The following TRIM40 variants were observed in gnomAD, a reference collection of about 807,000 sequenced individuals.
TRIM40 encodes E3 ubiquitin ligase TRIM40.
In TRIM40, 27 loss-of-function variants were observed where a neutral mutation model predicts 26.1. The observed-to-expected ratio is 1.04, with a 90% CI of 0.76 to 1.43. The LOEUF (loss-of-function observed/expected upper bound fraction) is 1.43, where lower values mean the gene tolerates loss of function less well. Among genes scored for constraint, TRIM40 ranks in the 40% most tolerant of loss-of-function variants. The pLI, the probability that TRIM40 is intolerant of heterozygous loss-of-function variation, is 0.00. For missense variants in TRIM40, 289 were observed against 307.9 expected, an observed-to-expected ratio of 0.94 and a Z score of 0.46; for synonymous variants, 114 against 120.0, an observed-to-expected ratio of 0.95 and a Z score of 0.33.
intron 3 of TRIM40, 70 bp from the exon 4 acceptor site, chr6:30,146,915 C>T: frequency 2.1e-6 from 3 of 1,449,822 alleles, no homozygotes; most frequent in Non-Finnish European, 1.9e-6. Flanking sequence ...CCTGCTCAGA[C>T]ATTCAGAGAC....
At chr6:30,146,602 G>T (rs1294982652) in intron 3 of TRIM40, among the ~76,000 whole-genome samples, 2 of 152,056 alleles carry the variant, frequency 1.3e-5, no homozygotes, top group Admixed American at 6.6e-5. Flanking sequence ...TAGTAGAGAT[G>T]GGGTTTCACC....
At chr6:30,145,178 A>G (rs754263671) in intron 2 of TRIM40, among the ~76,000 whole-genome samples, 9 of 150,588 alleles carry the variant, frequency 6.0e-5, no homozygotes, top group Non-Finnish European at 8.9e-5. Context: ...CTACCTGTAC[A>G]TCTCCAAAAT....
rs1771768890 is a variant in TRIM40, at chr6:30,147,857, C to T, written c.*45C>T. On this transcript the variant is annotated 3_prime_UTR_variant, in exon 6 of 6. Transcript: ENST00000396581. ...CCTCACTTCAGGCTCACCTCAGCCT[C>T]CTCTCTCTCCTTCCTCCAACCTGTC... 1 of 1,550,358 alleles carries T rather than the reference C, an allele frequency of 6.5e-7. No homozygotes were observed. The highest frequency in any genetic ancestry group is 8.9e-7 in the Non-Finnish European group (1 of 1,122,320).
intron 2 of TRIM40, among the ~76,000 whole-genome samples, chr6:30,145,408 A>G (rs563572046): frequency 6.6e-6 from 1 of 152,330 alleles, no homozygotes; most frequent in African/African-American, 2.4e-5. Context: ...CAAAAACCTG[A>G]AAGCAAAATT....
At position 30,147,963 on chromosome 6, in the gene TRIM40, C is replaced by A; in HGVS notation, c.*151C>A. Reference sequence around the variant, plus strand: ...GTCACCATTTCTTCATGTCCACAGTCATCACCTGATGCCTGACCCTCTGAC... The same window carrying A: ...GTCACCATTTCTTCATGTCCACAGTAATCACCTGATGCCTGACCCTCTGAC... On this transcript the variant is annotated 3_prime_UTR_variant, in exon 6 of 6. Coordinates refer to ENST00000396581, the MANE Select transcript of TRIM40 (RefSeq NM_001286633.2). 1.5e-6 allele frequency: 1 copy of A among 653,958 alleles called. No homozygotes were observed. Among genetic ancestry groups the A allele is most frequent in the South Asian group, 1.8e-5 (1 of 55,934 alleles). The allele number at this position is 653,958 out of a possible 1,614,324, so 40.5% of individuals were successfully genotyped here.
In TRIM40 at chr6:30,147,550, C is replaced by T. The variant is rs747827715; in HGVS notation, c.689+8C>T. The T allele has an allele frequency of 1.2e-6, 2 of 1,614,194 alleles. No individual in the cohort carries two copies. Among genetic ancestry groups the T allele is most frequent in the Non-Finnish European group, 8.5e-7 (1 of 1,180,046 alleles). ...TGGTGACTTACTGAACAGGTACGAG[C>T]TGTCCCTTCTTCTTTCCCACATGTG... On this transcript the variant is annotated splice_region_variant and intron_variant, in intron 5 of 5. Coordinates refer to ENST00000396581, the MANE Select transcript of TRIM40 (RefSeq NM_001286633.2).
rs1244686351 is a variant in TRIM40 at position 30,147,137 on chromosome 6, A to G, written c.594A>G (p.Ala198=). 3.7e-6 allele frequency: 6 copies of G among 1,614,248 alleles called. No individual in the cohort carries two copies. The highest frequency in any genetic ancestry group is 5.1e-6 in the Non-Finnish European group (6 of 1,180,044). Residue 198 remains alanine (A), a synonymous_variant, in exon 4 of 6, where the codon GCA becomes GCG. Coordinates refer to ENST00000396581, the MANE Select transcript of TRIM40 (RefSeq NM_001286633.2). ...EAARILDISR[A]VTQLRSLVID... is the part of the protein sequence containing the mutation. The stretch of plus-strand genomic sequence containing the variant: ...CCAGAATCCTTGACATCTCCAGGGC[A>G]GTAACACAGCTCAGAAGCCTGGTCA...
intron 2 of TRIM40, among the ~76,000 whole-genome samples, chr6:30,138,555 A>G (rs1233361889): frequency 6.6e-6 from 1 of 152,240 alleles, no homozygotes; most frequent in African/African-American, 2.4e-5. Context: ...CCTATAAGCC[A>G]AGGTATTTTA....
chr6:30,143,101 G>A (rs531881327), intron 2 of TRIM40, among the ~76,000 whole-genome samples: 4 of 151,778 alleles, frequency 2.6e-5, no homozygotes, highest in Non-Finnish European at 5.9e-5. Context: ...TGACTTTTGG[G>A]GGTTTAGTTA....
chr6:30,147,661 C>T, intron 5 of TRIM40, 64 bp from the exon 6 acceptor site: 5 of 1,606,016 alleles, frequency 3.1e-6, no homozygotes, highest in South Asian at 1.1e-5. Context: ...GCTACATGGC[C>T]AATGGAAGAG....
intron 2 of TRIM40, among the ~76,000 whole-genome samples, chr6:30,140,383 T>C (rs1341054125): frequency 6.6e-6 from 1 of 152,160 alleles, no homozygotes; most frequent in Non-Finnish European, 1.5e-5. Context: ...TGGAATACTA[T>C]GCAGCCATAA....
At position 30,146,633 on chromosome 6, in the gene TRIM40, G is replaced by A. The variant is rs554843513; in HGVS notation, c.442-352G>A. ...TCACCATGTTAGCCAGGATGGTCTC[G>A]ATCTCCTGACCTCGTGATCCGCCCG... On this transcript the variant is annotated intron_variant, in intron 3 of 5. Transcript: ENST00000396581. 1.1e-3 allele frequency among the ~76,000 whole-genome samples: 167 copies of A among 152,154 alleles called. 1 individual carries two copies. Among genetic ancestry groups the A allele is most frequent in the African/African-American group, 3.5e-3 (145 of 41,502 alleles).
chr6:30,144,047 G>C (rs1581538351), intron 2 of TRIM40, among the ~76,000 whole-genome samples: 1 of 152,246 alleles, frequency 6.6e-6, no homozygotes, highest in East Asian at 1.9e-4. Context: ...CCATGAGGAG[G>C]TGTGGCTGCA....
chr6:30,147,157 T>C lies in TRIM40; in HGVS notation c.614T>C (p.Leu205Pro), dbSNP rs770913464. 1 of 1,614,194 alleles carries C rather than the reference T, an allele frequency of 6.2e-7. No homozygotes were observed. The highest frequency in any genetic ancestry group is 8.5e-7 in the Non-Finnish European group (1 of 1,180,026). Residue 205 changes from leucine (L) to proline (P), a missense_variant, in exon 4 of 6, where the codon CTG (leucine) becomes CCG (proline). Physicochemically the swap from Leu to Pro is moderately conservative, Grantham distance 98 (BLOSUM62 -3). Coordinates refer to ENST00000396581, the MANE Select transcript of TRIM40 (RefSeq NM_001286633.2). ...AGGGCAGTAACACAGCTCAGAAGCC[T>C]GGTCATTGATCTGGAAAGGACGGCC... ...ISRAVTQLRS[L>P]VIDLERTAKE... is the part of the protein sequence containing the mutation.
At chr6:30,142,164 T>C (rs554582217) in intron 2 of TRIM40, among the ~76,000 whole-genome samples, 1 of 152,324 alleles carries the variant, frequency 6.6e-6, no homozygotes, top group South Asian at 2.1e-4. Context: ...TGTAGTTAAG[T>C]ATTGTAAATT....
At chr6:30,145,943 G>A in intron 2 of TRIM40, 51 bp from the exon 3 acceptor site, 2 of 1,471,106 alleles carry the variant, frequency 1.4e-6, no homozygotes, top group South Asian at 1.1e-5. Flanking sequence ...TCCTCCCAGT[G>A]GGTGCCCCCC....
chr6:30,143,842 TTCAG>T (rs200000377), intron 2 of TRIM40, among the ~76,000 whole-genome samples: 3,390 of 152,358 alleles, frequency 0.022, 58 homozygotes, highest in Middle Eastern at 0.068. Context: ...CAGTATTATC[TTCAG>T]TCATTCTATG....
rs115338138 is a variant in TRIM40 at position 30,136,972 on chromosome 6, C to G, written c.-65C>G. ...ATCTGGGACTGTTGAGGGCAACAGG[C>G]CTTCCGAAGACCAGTGAAGAAGGAG... On this transcript the variant is annotated 5_prime_UTR_variant, in exon 2 of 6. Transcript: ENST00000396581. The G allele has an allele frequency of 9.9e-6, 15 of 1,519,196 alleles. No homozygotes were observed. Among genetic ancestry groups the G allele is most frequent in the Non-Finnish European group, 1.3e-5 (15 of 1,117,172 alleles). 94.1% of individuals were successfully genotyped at this position (1,519,196 alleles called of 1,614,324 possible). A position where few individuals can be genotyped will look rare whatever the true frequency, so the allele number is the denominator to read the frequency against.
Position 30,147,861 on chromosome 6 carries a change from T to C in TRIM40, c.*49T>C, listed in dbSNP as rs369684618. ...ACTTCAGGCTCACCTCAGCCTCCTC[T>C]CTCTCCTTCCTCCAACCTGTCCAGG... On this transcript the variant is annotated 3_prime_UTR_variant, in exon 6 of 6. Transcript: ENST00000396581. 6 of 1,548,328 alleles carry C rather than the reference T, an allele frequency of 3.9e-6. No individual in the cohort carries two copies. Among genetic ancestry groups the C allele is most frequent in the Non-Finnish European group, 5.4e-6 (6 of 1,120,620 alleles).
Sources: gnomAD v4.1 joint callset for allele counts (sites outside exome capture counted in the v4.1 genomes callset) on GRCh38, gnomAD v4.1.1 for gene constraint, MANE v1.5 for transcripts, NCBI Gene and HGNC (gene_info 2026-07-23, HGNC 2026-07-21) for gene names.